Variants in HDAC11 observed in about 807,000 individuals in gnomAD.
HDAC11 encodes histone deacetylase 11.
A neutral mutation model predicts 41.1 loss-of-function variants in HDAC11; 23 were observed. That is an observed-to-expected ratio of 0.56 (90% confidence interval 0.40 to 0.79). The LOEUF (loss-of-function observed/expected upper bound fraction) is 0.79. Ranked by LOEUF, HDAC11 falls within the 30% of genes least tolerant of loss-of-function variation. HDAC11 has a pLI of 0.00. For missense variants in HDAC11, 402 were observed against 477.3 expected (o/e 0.84, Z 1.47); for synonymous variants, 187 against 186.6 (o/e 1.00, Z -0.02).
intron 8 of HDAC11, 93 bp downstream of exon 8, chr3:13,503,073 A>T: frequency 2.3e-6 from 2 of 888,472 alleles, no homozygotes; most frequent in Non-Finnish European, 3.7e-6. Flanking sequence ...TGCAGAAGCC[A>T]CTGCAGTGGT....
chr3:13,486,498 G>T (rs11917036), intron 3 of HDAC11, among the ~76,000 whole-genome samples: 126,464 of 149,856 alleles, frequency 0.84, 53,508 homozygotes, highest in East Asian at 0.99. Flanking sequence ...TGGATGGTCA[G>T]GGAGGGCCTC....
chr3:13,504,895 C>T lies in HDAC11; in HGVS notation c.*212C>T. The T allele has an allele frequency of 1.7e-6, 1 of 601,962 alleles. No homozygotes were observed. 37.3% of individuals were successfully genotyped at this position (601,962 alleles called of 1,614,324 possible). ...CTATGGGTGGGGGCAGAAGGCAGAG[C>T]CTGTGTCCCAGGGGGACCCACACGA... On this transcript the variant is annotated 3_prime_UTR_variant, in exon 10 of 10. Transcript: ENST00000295757.
chr3:13,481,048 T>C (rs901055820), intron 1 of HDAC11, 198 bp from the exon 2 acceptor site: 70 of 597,398 alleles, frequency 1.2e-4, no homozygotes, highest in Middle Eastern at 4.4e-4. Flanking sequence ...CCCCCAGGGC[T>C]GCTGTGAGGA....
rs142419489 is a variant in HDAC11 at position 13,504,568 on chromosome 3, G to A, written c.929G>A (p.Arg310His). 86 of 1,613,538 alleles carry A rather than the reference G, an allele frequency of 5.3e-5. No individual in the cohort carries two copies. The highest frequency in any genetic ancestry group is 4.0e-4 in the Admixed American group (24 of 60,006). ...TSGGYQKRTARIIADSILNLF... is the reference protein window; with the variant it reads ...TSGGYQKRTAHIIADSILNLF... ...GGCGGGTACCAGAAGCGCACAGCCC[G>A]CATCATTGCTGACTCCATACTTAAT... Residue 310 changes from arginine (R) to histidine (H), a missense_variant, in exon 10 of 10, where the codon CGC becomes CAC. Coordinates refer to ENST00000295757, the MANE Select transcript of HDAC11 (RefSeq NM_024827.4).
chr3:13,489,104 TTGTC>T (rs1429179355), intron 3 of HDAC11, among the ~76,000 whole-genome samples: 1 of 152,202 alleles, frequency 6.6e-6, no homozygotes, highest in Non-Finnish European at 1.5e-5. Context: ...TAAAATTGGC[TTGTC>T]TTTTTGTTGA....
intron 3 of HDAC11, among the ~76,000 whole-genome samples, chr3:13,487,407 A>G (rs1336205101): frequency 6.6e-6 from 1 of 152,180 alleles, no homozygotes; most frequent in African/African-American, 2.4e-5. Flanking sequence ...CCTGGGGCTC[A>G]TGCCTGACTC....
Position 13,504,357 on chromosome 3 carries a change from A to G in HDAC11, c.828+85A>G, listed in dbSNP as rs1702515304. On this transcript the variant is annotated intron_variant, in intron 9 of 9. Transcript: ENST00000295757. ...AAAGGTGGGCGGCCTCATGTCAGGG[A>G]GGAGATGGACTGAAGCAACAGCAGT... The G allele has an allele frequency of 9.5e-6, 15 of 1,586,236 alleles. No individual in the cohort carries two copies. In the South Asian group the frequency reaches 1.3e-4, roughly 14 times the overall value.
chr3:13,492,618 C>T (rs536173748), intron 3 of HDAC11, among the ~76,000 whole-genome samples: 23 of 152,250 alleles, frequency 1.5e-4, no homozygotes, highest in African/African-American at 4.3e-4. Flanking sequence ...GATCTTGGCT[C>T]ACTGCAACCT....
intron 3 of HDAC11, among the ~76,000 whole-genome samples, chr3:13,487,880 G>A (rs1338510406): frequency 1.3e-5 from 2 of 152,042 alleles, no homozygotes; most frequent in Non-Finnish European, 2.9e-5. Flanking sequence ...GGTGCTGAGT[G>A]TCGTGAAGAA....
At chr3:13,481,684 T>G (rs1179129964) in intron 2 of HDAC11, among the ~76,000 whole-genome samples, 1 of 152,056 alleles carries the variant, frequency 6.6e-6, no homozygotes, top group African/African-American at 2.4e-5. Flanking sequence ...ACAGGGAAGG[T>G]GAAGCTTGGA....
intron 3 of HDAC11, among the ~76,000 whole-genome samples, chr3:13,486,856 G>A (rs1701619085): frequency 6.6e-6 from 1 of 152,166 alleles, no homozygotes; most frequent in Admixed American, 6.5e-5. Context: ...TGGGATTACA[G>A]GCATGAGCCA....
chr3:13,491,262 G>A (rs567860907), intron 3 of HDAC11, among the ~76,000 whole-genome samples: 21 of 152,006 alleles, frequency 1.4e-4, no homozygotes, highest in African/African-American at 4.6e-4. Context: ...AGTGGAGCAG[G>A]CATCTTTGTC....
At chr3:13,483,593 G>A (rs1273600897) in intron 3 of HDAC11, 29 bp downstream of exon 3, 3 of 1,564,558 alleles carry the variant, frequency 1.9e-6, no homozygotes, top group Non-Finnish European at 2.6e-6. Flanking sequence ...GGGGGGCTGC[G>A]GGCCTGGGGC....
At chr3:13,501,782 C>A in intron 6 of HDAC11, 89 bp from the exon 7 acceptor site, 2 of 1,233,320 alleles carry the variant, frequency 1.6e-6, no homozygotes, top group Non-Finnish European at 2.4e-6. Flanking sequence ...GCCCCCCTCC[C>A]CGCCCCTCGC....
intron 3 of HDAC11, among the ~76,000 whole-genome samples, chr3:13,494,036 A>G (rs546476339): frequency 1.6e-4 from 24 of 152,376 alleles, no homozygotes; most frequent in African/African-American, 5.8e-4. Flanking sequence ...AGCCTTTAGC[A>G]TGCTAGGATG....
In HDAC11 at chr3:13,480,797, G is replaced by A; in HGVS notation, c.2+448G>A. 2.3e-6 allele frequency: 1 copy of A among 442,608 alleles called. No homozygotes were observed. The highest frequency in any genetic ancestry group is 4.7e-6 in the Non-Finnish European group (1 of 214,872). The allele number at this position is 442,608 out of a possible 1,614,324, so 27.4% of individuals were successfully genotyped here. ...AGGTTGGGTCCCGACTTGGGTTTCT[G>A]AGTGCTTACTGTGCTCAGCTCCTCA... On this transcript the variant is annotated intron_variant, in intron 1 of 9. Coordinates refer to ENST00000295757, the MANE Select transcript of HDAC11 (RefSeq NM_024827.4). This position sits in a 1 kb window ranked among gnomAD's most constrained non-coding sequence, Gnocchi z 4.6.
At position 13,504,632 on chromosome 3, in the gene HDAC11, C is replaced by G. The variant is rs201442768; in HGVS notation, c.993C>G (p.Ser331Arg). The G allele has an allele frequency of 1.2e-6, 2 of 1,613,816 alleles. No homozygotes were observed. Among genetic ancestry groups the G allele is most frequent in the East Asian group, 4.5e-5 (2 of 44,872 alleles). Reference protein sequence around the residue: ...GLGLIGPESPSVSAQNSDTPL... With the variant: ...GLGLIGPESPRVSAQNSDTPL... Reference sequence around the variant, plus strand: ...GGCTCATTGGGCCTGAGTCACCCAGCGTCTCCGCACAGAACTCAGACACAC... The same window carrying G: ...GGCTCATTGGGCCTGAGTCACCCAGGGTCTCCGCACAGAACTCAGACACAC... Residue 331 changes from serine to arginine, a missense_variant, in exon 10 of 10, where the codon AGC becomes AGG. Ser to Arg is a moderately radical substitution (Grantham distance 110, BLOSUM62 -1). Coordinates refer to ENST00000295757, the MANE Select transcript of HDAC11 (RefSeq NM_024827.4).
rs752248385 is a variant in HDAC11 at position 13,500,786 on chromosome 3, C to T, written c.486C>T (p.Ile162=). 33 of 1,564,552 alleles carry T rather than the reference C, an allele frequency of 2.1e-5. No homozygotes were observed. Among genetic ancestry groups the T allele is most frequent in the Middle Eastern group, 3.4e-4 (2 of 5,890 alleles). ...FCAYADITLA[I]KFLFERVEGI... ...CCTATGCGGACATCACGCTCGCCAT[C>T]AAGGTGTGTCTATGAGCAAGTGGGG... The change falls in exon 6 of 10, where the codon ATC becomes ATT. Residue 162 remains isoleucine, a synonymous_variant. Transcript: ENST00000295757.
At chr3:13,501,297 C>T (rs1004423711) in intron 6 of HDAC11, among the ~76,000 whole-genome samples, 1 of 152,226 alleles carries the variant, frequency 6.6e-6, no homozygotes, top group African/African-American at 2.4e-5. Flanking sequence ...CCACAACTCC[C>T]CTGCCACTCT....
Sources: gnomAD v4.1 joint callset for allele counts (sites outside exome capture counted in the v4.1 genomes callset) on GRCh38, gnomAD v4.1.1 for gene constraint, Gnocchi (gnomAD v3.1) non-coding constraint, MANE v1.5 for transcripts, NCBI Gene and HGNC (gene_info 2026-07-23, HGNC 2026-07-21) for gene names.